The following GRK5 variants were observed in gnomAD, a reference collection of about 807,000 sequenced individuals.
GRK5 encodes g protein-coupled receptor kinase GRK5.
A neutral mutation model predicts 78.4 loss-of-function variants in GRK5; 40 were observed. The observed-to-expected ratio is 0.51, with a 90% CI of 0.40 to 0.66. The LOEUF is 0.66. Among genes scored for constraint, GRK5 ranks in the 30% least tolerant of loss-of-function variants. The pLI is 0.00. For synonymous variants in GRK5, 289 were observed against 296.8 expected (o/e 0.97, Z 0.27); for missense variants, 598 against 759.9 (o/e 0.79, Z 2.50).
chr10:119,212,012 C>G (rs1465863574), intron 1 of GRK5, among the ~76,000 whole-genome samples: 1 of 152,232 alleles, frequency 6.6e-6, no homozygotes, highest in Non-Finnish European at 1.5e-5. Context: ...TACGTGGAGG[C>G]ATACGTACTC....
At chr10:119,327,181 A>G (rs923200752) in intron 2 of GRK5, among the ~76,000 whole-genome samples, 1 of 152,176 alleles carries the variant, frequency 6.6e-6, no homozygotes, top group African/African-American at 2.4e-5. Flanking sequence ...CACTGGGCTC[A>G]GTGGCACAGC....
In GRK5 at chr10:119,431,391, G is replaced by T; in HGVS notation, c.602G>T (p.Cys201Phe). The T allele has an allele frequency of 6.2e-7, 1 of 1,613,276 alleles. No individual in the cohort carries two copies. The highest frequency in any genetic ancestry group is 2.2e-5 in the East Asian group (1 of 44,860). Residue 201 changes from cysteine (C) to phenylalanine (F), a missense_variant, in exon 8 of 16, where the codon TGT (cysteine) becomes TTT (phenylalanine). Cys to Phe is a radical substitution (Grantham distance 205). Transcript: ENST00000392870. The surrounding 1 kb of genome is among the most constrained non-coding windows in gnomAD (Gnocchi z 4.8). ...VLGKGGFGEV[C>F]ACQVRATGKM... ...GGTTTCTTTCTTGCACTGCAGGTCTGTGCCTGCCAGGTTCGGGCCACGGGT... is the reference window on the plus strand; with the variant it reads ...GGTTTCTTTCTTGCACTGCAGGTCTTTGCCTGCCAGGTTCGGGCCACGGGT...
At chr10:119,360,778 CG>C (rs1851350702) in intron 2 of GRK5, among the ~76,000 whole-genome samples, 4 of 152,198 alleles carry the variant, frequency 2.6e-5, no homozygotes. Flanking sequence ...ACACCCGGCC[CG>C]GGGCCCTTTG....
chr10:119,452,386 G>A lies in GRK5; in HGVS notation c.1405-285G>A, dbSNP rs550063706. 29 of 383,810 alleles carry A rather than the reference G, an allele frequency of 7.6e-5. No homozygotes were observed. Among genetic ancestry groups the A allele is most frequent in the South Asian group, 5.4e-4 (14 of 25,790 alleles). The allele number at this position is 383,810 out of a possible 1,614,324, so 23.8% of individuals were successfully genotyped here. A position where few individuals can be genotyped will look rare whatever the true frequency, so the allele number is the denominator to read the frequency against. ...CTGTGTCACCCCAGCCAGGGTCCCC[G>A]TCATGGATCTGAGAGAGGGCTGCAC... On this transcript the variant is annotated intron_variant, in intron 13 of 15. Coordinates refer to ENST00000392870, the MANE Select transcript of GRK5 (RefSeq NM_005308.3). The surrounding 1 kb of genome is among the most constrained non-coding windows in gnomAD (Gnocchi z 4.4).
intron 1 of GRK5, among the ~76,000 whole-genome samples, chr10:119,309,334 A>C (rs1345027104): frequency 6.6e-6 from 1 of 152,150 alleles, no homozygotes; most frequent in South Asian, 2.1e-4. Context: ...CCTCGATATG[A>C]GTCTGCACAG....
chr10:119,289,235 G>A (rs1004201830), intron 1 of GRK5, among the ~76,000 whole-genome samples: 19 of 152,136 alleles, frequency 1.2e-4, no homozygotes, highest in Non-Finnish European at 2.2e-4. Context: ...ACTTCTCTGT[G>A]GCCCCTGCTC....
At chr10:119,285,206 G>A (rs912373314) in intron 1 of GRK5, among the ~76,000 whole-genome samples, 2 of 152,168 alleles carry the variant, frequency 1.3e-5, no homozygotes, top group Admixed American at 1.3e-4. Context: ...TACTAGGGGC[G>A]ACAAGGACAG....
chr10:119,328,462 G>A (rs965220653), intron 2 of GRK5, among the ~76,000 whole-genome samples: 5 of 152,192 alleles, frequency 3.3e-5, no homozygotes, highest in Non-Finnish European at 5.9e-5. Context: ...TGCCATGGTT[G>A]CAACTCACCC....
chr10:119,262,249 C>G (rs982397563), intron 1 of GRK5, among the ~76,000 whole-genome samples: 1 of 151,480 alleles, frequency 6.6e-6, no homozygotes, highest in East Asian at 1.9e-4. Flanking sequence ...TGACAGCAGC[C>G]TAAGTGTGAG....
At chr10:119,377,728 A>G (rs1324607755) in intron 2 of GRK5, among the ~76,000 whole-genome samples, 1 of 152,186 alleles carries the variant, frequency 6.6e-6, no homozygotes, top group Non-Finnish European at 1.5e-5. Context: ...AATCTGTCAA[A>G]TGAACCCTTA....
intron 2 of GRK5, among the ~76,000 whole-genome samples, chr10:119,342,711 C>T (rs1851004301): frequency 6.6e-6 from 1 of 152,240 alleles, no homozygotes; most frequent in South Asian, 2.1e-4. Flanking sequence ...GCCCCTCTTC[C>T]TTCTTCCAGG....
In GRK5 at chr10:119,345,336, A is replaced by T. The variant is rs1397057032; in HGVS notation, c.148+18725A>T. Reference sequence around the variant, plus strand: ...GCTCATTTGGCTTTAGCATGAGAGGAGTGGTTCCCAGCCCCGCAATCCAGC... The same window carrying T: ...GCTCATTTGGCTTTAGCATGAGAGGTGTGGTTCCCAGCCCCGCAATCCAGC... On this transcript the variant is annotated intron_variant, in intron 2 of 15. Coordinates refer to ENST00000392870, the MANE Select transcript of GRK5 (RefSeq NM_005308.3). Among the ~76,000 whole-genome samples the T allele has an allele frequency of 2.0e-5, 3 of 152,100 alleles. 1 individual carries two copies. The highest frequency in any genetic ancestry group is 4.1e-4 in the South Asian group (2 of 4,828).
chr10:119,403,568 T>A (rs1852186511), intron 4 of GRK5, among the ~76,000 whole-genome samples: 1 of 152,246 alleles, frequency 6.6e-6, no homozygotes, highest in Non-Finnish European at 1.5e-5. Context: ...ATTGTAAAGA[T>A]ACAACACATT....
At chr10:119,235,877 A>G (rs961185817) in intron 1 of GRK5, among the ~76,000 whole-genome samples, 1 of 152,054 alleles carries the variant, frequency 6.6e-6, no homozygotes, top group Non-Finnish European at 1.5e-5. Context: ...CTGCCCCAGG[A>G]GATTCCTGAG....
intron 15 of GRK5, among the ~76,000 whole-genome samples, chr10:119,454,238 GA>G (rs2133922858): frequency 6.6e-6 from 1 of 152,324 alleles, no homozygotes; most frequent in South Asian, 2.1e-4. Context: ...CTGGGTCCTA[GA>G]AAAAGAAATT....
At chr10:119,230,405 A>C (rs768838439) in intron 1 of GRK5, among the ~76,000 whole-genome samples, 9 of 152,162 alleles carry the variant, frequency 5.9e-5, no homozygotes, top group Non-Finnish European at 1.2e-4. Context: ...TTACAGTTCT[A>C]CGTGGCTGGG....
chr10:119,343,850 G>A (rs1034666559), intron 2 of GRK5, among the ~76,000 whole-genome samples: 4 of 152,114 alleles, frequency 2.6e-5, no homozygotes, highest in East Asian at 1.9e-4. Flanking sequence ...CAGAGCAGGC[G>A]GGCTTCCAGG....
At chr10:119,269,003 A>G (rs921163667) in intron 1 of GRK5, among the ~76,000 whole-genome samples, 1 of 152,170 alleles carries the variant, frequency 6.6e-6, no homozygotes, top group Non-Finnish European at 1.5e-5. Context: ...TCTGTTTCCC[A>G]TGGGCTTCCT....
intron 2 of GRK5, among the ~76,000 whole-genome samples, chr10:119,326,874 G>T (rs1034749483): frequency 1.3e-5 from 2 of 152,234 alleles, no homozygotes; most frequent in African/African-American, 4.8e-5. Context: ...TTTGAGGCAG[G>T]TGCTATTATT....
Sources: allele counts gnomAD v4.1 joint callset (sites outside exome capture counted in the v4.1 genomes callset), GRCh38; gene constraint gnomAD v4.1.1; non-coding constraint Gnocchi (gnomAD v3.1); transcripts MANE v1.5; gene names NCBI Gene and HGNC (gene_info 2026-07-23, HGNC 2026-07-21).